The following DROSHA variants were observed in gnomAD, a reference collection of about 807,000 sequenced individuals.
DROSHA encodes the protein drosha ribonuclease III, also known as ribonuclease 3.
Under a neutral mutation model 181.9 loss-of-function variants are expected in DROSHA, and 56 were observed. That is an observed-to-expected ratio of 0.31 (90% CI 0.25 to 0.38). The LOEUF (loss-of-function observed/expected upper bound fraction) is 0.38. Among genes scored for constraint, DROSHA ranks in the 10% least tolerant of loss-of-function variants. The pLI is 1.00. For synonymous variants in DROSHA, 524 were observed against 591.2 expected (o/e 0.89, Z 1.65); for missense variants, 1,218 against 1,743.5 (o/e 0.70, Z 5.37).
At chr5:31,446,289 A>G (rs1746252980) in intron 23 of DROSHA, among the ~76,000 whole-genome samples, 1 of 150,990 alleles carries the variant, frequency 6.6e-6, no homozygotes, top group African/African-American at 2.4e-5. Flanking sequence ...TACTAAAAAT[A>G]CAAAAAAATT....
At chr5:31,414,305 T>C (rs1741701596) in intron 30 of DROSHA, among the ~76,000 whole-genome samples, 1 of 152,172 alleles carries the variant, frequency 6.6e-6, no homozygotes, top group African/African-American at 2.4e-5. Context: ...ATGTTATAAA[T>C]TACTATTTTA....
At chr5:31,519,620 G>T (rs1249488942) in intron 6 of DROSHA, among the ~76,000 whole-genome samples, 1 of 152,068 alleles carries the variant, frequency 6.6e-6, no homozygotes, top group Non-Finnish European at 1.5e-5. Flanking sequence ...AATTTGTATG[G>T]GAAAGGCCTG....
At chr5:31,513,572 T>G (rs983040990) in intron 8 of DROSHA, among the ~76,000 whole-genome samples, 1 of 152,200 alleles carries the variant, frequency 6.6e-6, no homozygotes, top group African/African-American at 2.4e-5. Flanking sequence ...AAAAGCCTGC[T>G]CTAATTTATC....
intron 8 of DROSHA, among the ~76,000 whole-genome samples, chr5:31,511,931 G>GCA (rs140148677): frequency 0.12 from 16,950 of 145,308 alleles, 1,148 homozygotes; most frequent in Non-Finnish European, 0.16. Flanking sequence ...TCACACACAC[G>GCA]CACACACACA....
chr5:31,434,394 C>T (rs1744549177), intron 25 of DROSHA, among the ~76,000 whole-genome samples: 1 of 152,180 alleles, frequency 6.6e-6, no homozygotes, highest in Non-Finnish European at 1.5e-5. Context: ...ATCAACCAAA[C>T]ACTTAAGCAG....
At chr5:31,456,475 CACACACACACACACACACAG>C in intron 20 of DROSHA, among the ~76,000 whole-genome samples, 1 of 151,412 alleles carries the variant, frequency 6.6e-6, no homozygotes, top group Middle Eastern at 3.4e-3. Flanking sequence ...CACACACACA[CACACACACACACACACACAG>C]ACACACACAC....
chr5:31,519,955 G>C lies in DROSHA; in HGVS notation c.947+1168C>G, dbSNP rs113302144. 4.9e-3 allele frequency among the ~76,000 whole-genome samples: 746 copies of C among 152,298 alleles called. 8 individuals carry two copies. Among genetic ancestry groups the C allele is most frequent in the African/African-American group, 0.017 (709 of 41,584 alleles). ...TGTTTTTATATCCATATTTGTAAGA[G>C]AGATTGCTGTGTCGTTTTTGTGTCA... On this transcript the variant is annotated intron_variant, in intron 6 of 35. Transcript: ENST00000344624.
At position 31,436,790 on chromosome 5, in the gene DROSHA, ACACACACT is replaced by A. The variant is rs1184645040; in HGVS notation, c.2942+441_2942+448del. On this transcript the variant is annotated intron_variant, in intron 24 of 35. Coordinates refer to ENST00000344624, the MANE Select transcript of DROSHA (RefSeq NM_001382508.1). ...CACACACACACACACACACACACAC[ACACACACT>A]AGAAAATCTGGTCATTAAAATTACT... Among the ~76,000 whole-genome samples the A allele has an allele frequency of 2.8e-3, 367 of 131,488 alleles. 2 individuals are homozygous for A. Among genetic ancestry groups the A allele is most frequent in the African/African-American group, 9.1e-3 (318 of 35,128 alleles). 86.3% of individuals were successfully genotyped at this position (131,488 alleles called of 152,430 possible).
chr5:31,448,501 C>T (rs770300095), intron 23 of DROSHA, 46 bp downstream of exon 23: 6 of 1,512,436 alleles, frequency 4.0e-6, no homozygotes, highest in East Asian at 2.3e-5. Flanking sequence ...CTGTATAGTA[C>T]GTGAATTATA....
At chr5:31,471,920 A>T in intron 17 of DROSHA, 143 bp downstream of exon 17, 1 of 729,356 alleles carries the variant, frequency 1.4e-6, no homozygotes, top group Non-Finnish European at 2.0e-6. Context: ...CTTATTTACT[A>T]AATATTTAAA....
intron 4 of DROSHA, among the ~76,000 whole-genome samples, chr5:31,527,162 C>T (rs1740694496): frequency 6.6e-6 from 1 of 152,120 alleles, no homozygotes; most frequent in African/African-American, 2.4e-5. Flanking sequence ...CCGACCATTC[C>T]TTAAAGCTGC....
intron 11 of DROSHA, among the ~76,000 whole-genome samples, chr5:31,498,979 C>A (rs1417277000): frequency 1.3e-5 from 2 of 152,170 alleles, no homozygotes; most frequent in African/African-American, 4.8e-5. Flanking sequence ...CACGCAGACC[C>A]ACGTTCAAGG....
chr5:31,525,023 C>T (rs1254585551), intron 5 of DROSHA, among the ~76,000 whole-genome samples: 2 of 151,732 alleles, frequency 1.3e-5, no homozygotes, highest in Non-Finnish European at 2.9e-5. Flanking sequence ...GGTAAAACCC[C>T]GTCTCTACTA....
At chr5:31,457,022 T>C (rs1222038515) in intron 20 of DROSHA, among the ~76,000 whole-genome samples, 2 of 150,698 alleles carry the variant, frequency 1.3e-5, no homozygotes, top group East Asian at 3.9e-4. Context: ...GTGAACAAAA[T>C]CTCAGTAGAG....
chr5:31,519,919 A>AT (rs1486390596), intron 6 of DROSHA, among the ~76,000 whole-genome samples: 18 of 152,202 alleles, frequency 1.2e-4, no homozygotes, highest in African/African-American at 4.3e-4. Flanking sequence ...ATTTGCTAAT[A>AT]TCCTAATTCG....
At chr5:31,446,214 A>C (rs1446622440) in intron 23 of DROSHA, among the ~76,000 whole-genome samples, 1 of 152,146 alleles carries the variant, frequency 6.6e-6, no homozygotes, top group Admixed American at 6.5e-5. Flanking sequence ...TGGGAGGCCA[A>C]GGCGGGCGGA....
At chr5:31,467,550 GAGAA>G (rs1423252651) in intron 18 of DROSHA, 2 of 152,336 alleles carry the variant, frequency 1.3e-5, no homozygotes, top group East Asian at 3.9e-4. Flanking sequence ...CCCCCAAAAA[GAGAA>G]CTCTGCATAA....
intron 25 of DROSHA, among the ~76,000 whole-genome samples, chr5:31,433,730 T>A (rs545809055): frequency 6.6e-6 from 1 of 152,128 alleles, no homozygotes; most frequent in African/African-American, 2.4e-5. Flanking sequence ...TATTTTTTAG[T>A]AGAGATGGGG....
At chr5:31,420,066 T>C (rs1742483450) in intron 30 of DROSHA, among the ~76,000 whole-genome samples, 1 of 152,178 alleles carries the variant, frequency 6.6e-6, no homozygotes, top group South Asian at 2.1e-4. Context: ...GGCTTAGAAA[T>C]TCCACTGAAA....
Sources: allele counts gnomAD v4.1 joint callset (sites outside exome capture counted in the v4.1 genomes callset), GRCh38; gene constraint gnomAD v4.1.1; transcripts MANE v1.5; gene names NCBI Gene and HGNC (gene_info 2026-07-23, HGNC 2026-07-21).